Variants in TACC2 observed in about 807,000 individuals in gnomAD.
TACC2 encodes transforming acidic coiled-coil containing protein 2, also known as transforming acidic coiled-coil-containing protein 2.
A neutral mutation model predicts 227.3 loss-of-function variants in TACC2; 137 were observed. That is an observed-to-expected ratio of 0.60 (90% CI 0.52 to 0.69). The LOEUF (loss-of-function observed/expected upper bound fraction) is 0.69, where lower values mean the gene tolerates loss of function less well. Among genes scored for constraint, TACC2 ranks in the 30% least tolerant of loss-of-function variants. TACC2 has a pLI of 0.00. For missense variants in TACC2, 3,470 were observed against 3,694.4 expected (o/e 0.94, Z 1.57); for synonymous variants, 1,523 against 1,487.5 (o/e 1.02, Z -0.55).
At chr10:122,105,589 T>C (rs2082662339) in intron 5 of TACC2, among the ~76,000 whole-genome samples, 1 of 151,948 alleles carries the variant, frequency 6.6e-6, no homozygotes, top group Non-Finnish European at 1.5e-5. Flanking sequence ...CTCCAGCATG[T>C]GCCTGTCTTT....
intron 2 of TACC2, among the ~76,000 whole-genome samples, chr10:122,040,743 A>G (rs1473441961): frequency 6.6e-6 from 1 of 152,206 alleles, no homozygotes; most frequent in Admixed American, 6.5e-5. Context: ...TTTCTGTAAC[A>G]AGTCCCAAAA....
intron 7 of TACC2, among the ~76,000 whole-genome samples, chr10:122,161,588 C>T (rs529668578): frequency 7.2e-5 from 11 of 152,256 alleles, no homozygotes; most frequent in Non-Finnish European, 1.5e-4. Context: ...GATTTGAACT[C>T]GAGTCTCATT....
chr10:122,161,436 G>A (rs900227286), intron 7 of TACC2, among the ~76,000 whole-genome samples: 2 of 152,122 alleles, frequency 1.3e-5, no homozygotes, highest in Non-Finnish European at 2.9e-5. Context: ...CCTGGTCCTG[G>A]GCATTCATAG....
rs753635947 is a variant in TACC2, at chr10:122,083,865, T to C, written c.1365T>C (p.Asp455=). The C allele has an allele frequency of 6.2e-7, 1 of 1,614,164 alleles. No homozygotes were observed. Residue 455 remains aspartate, a synonymous_variant, in exon 4 of 23, where the codon GAT becomes GAC. Transcript: ENST00000369005. The stretch of plus-strand genomic sequence containing the variant: ...AGGCTGGGATGCCAGTTTCTGCAGA[T>C]GCAGCCAAAGAGGTGGTGGATGCAG... ...VSKAGMPVSA[D]AAKEVVDAGL... is the part of the protein sequence containing the mutation.
Position 122,205,790 on chromosome 10 carries a change from A to G in TACC2, c.5972-4607A>G, listed in dbSNP as rs1417247412. Among the ~76,000 whole-genome samples the G allele has an allele frequency of 6.6e-6, 1 of 152,152 alleles. No individual in the cohort carries two copies. The highest frequency in any genetic ancestry group is 1.5e-5 in the Non-Finnish European group (1 of 68,038). On this transcript the variant is annotated intron_variant, in intron 8 of 22. Coordinates refer to ENST00000369005, the MANE Select transcript of TACC2 (RefSeq NM_206862.4). This position sits in a 1 kb window ranked among gnomAD's most constrained non-coding sequence, Gnocchi z 4.5. Reference sequence around the variant, plus strand: ...GTCTTAGGCTAGACAAATTTGGGAAATGTTGAATTCATCACGGACTTGCTC... The same window carrying G: ...GTCTTAGGCTAGACAAATTTGGGAAGTGTTGAATTCATCACGGACTTGCTC...
intron 7 of TACC2, among the ~76,000 whole-genome samples, chr10:122,158,355 C>T (rs1362283823): frequency 6.6e-6 from 1 of 151,844 alleles, no homozygotes; most frequent in Non-Finnish European, 1.5e-5. Flanking sequence ...TGCCACTGCA[C>T]TCCAGCCTGG....
intron 7 of TACC2, among the ~76,000 whole-genome samples, chr10:122,152,999 C>CTTTCTTTTTTTTTTTTTTTTTTT (rs71026005): frequency 7.4e-6 from 1 of 135,024 alleles, no homozygotes; most frequent in Admixed American, 7.8e-5. Context: ...TTCTTTCTTT[C>CTTTCTTTTTTTTTTTTTTTTTTT]TTTTTTTTTT....
rs1208030820 is a variant in TACC2, at chr10:122,150,128, G to GGGGAA, written c.5834+6425_5834+6429dup. Among the ~76,000 whole-genome samples the GGGGAA allele has an allele frequency of 6.6e-6, 1 of 152,228 alleles. No individual in the cohort carries two copies. Among genetic ancestry groups the GGGGAA allele is most frequent in the East Asian group, 1.9e-4 (1 of 5,190 alleles). On this transcript the variant is annotated intron_variant, in intron 7 of 22. Coordinates refer to ENST00000369005, the MANE Select transcript of TACC2 (RefSeq NM_206862.4). The surrounding 1 kb of genome is among the most constrained non-coding windows in gnomAD (Gnocchi z 4.0). ...TTCTTTTCCTCCTTCTGGGAGGGGA[G>GGGGAA]GGGAAGGAGAGCCGGCAGCAGCGGG... is the stretch of plus-strand genomic sequence containing the variant.
intron 22 of TACC2, 95 bp downstream of exon 22, chr10:122,249,759 C>G: frequency 7.1e-7 from 1 of 1,416,506 alleles, no homozygotes; most frequent in South Asian, 1.4e-5. Flanking sequence ...TCCCTGGCCA[C>G]TGCTGCTCCT....
At chr10:122,164,448 G>C (rs1319967147) in intron 7 of TACC2, among the ~76,000 whole-genome samples, 1 of 152,230 alleles carries the variant, frequency 6.6e-6, no homozygotes. Context: ...TGGACGTTCC[G>C]TCTAGTTAGC....
At chr10:122,097,625 A>G (rs1445924784) in intron 5 of TACC2, among the ~76,000 whole-genome samples, 2 of 151,996 alleles carry the variant, frequency 1.3e-5, no homozygotes, top group South Asian at 2.1e-4. Flanking sequence ...GCTGGAGGCT[A>G]GGGTTGGTAG....
chr10:122,097,785 A>C (rs558475779), intron 5 of TACC2, among the ~76,000 whole-genome samples: 14 of 152,218 alleles, frequency 9.2e-5, no homozygotes, highest in African/African-American at 3.4e-4. Flanking sequence ...AGATGAGATG[A>C]GACACGGCAC....
rs1324410387 is a variant in TACC2, at chr10:122,205,450, G to A, written c.5972-4947G>A. On this transcript the variant is annotated intron_variant, in intron 8 of 22. Transcript: ENST00000369005. This position sits in a 1 kb window ranked among gnomAD's most constrained non-coding sequence, Gnocchi z 4.5. ...TACTTCTGCAGCACTGATGCCTCAC[G>A]CCTCTGGGGTAAAAACCCCACAGGA... is the stretch of plus-strand genomic sequence containing the variant. 1.3e-5 allele frequency among the ~76,000 whole-genome samples: 2 copies of A among 152,188 alleles called. No individual in the cohort carries two copies. The highest frequency in any genetic ancestry group is 2.9e-5 in the Non-Finnish European group (2 of 68,038).
Position 122,211,423 on chromosome 10 carries a change from G to T in TACC2, c.6998G>T (p.Gly2333Val). 1 of 1,613,980 alleles carries T rather than the reference G, an allele frequency of 6.2e-7. No homozygotes were observed. Among genetic ancestry groups the T allele is most frequent in the Non-Finnish European group, 8.5e-7 (1 of 1,180,012 alleles). ...CCCAATGACATCCCCATTGCTAAAG[G>T]TACTTACACCTTTGATATTGACAAG... The part of the protein sequence containing the change: ...AEPNDIPIAK[G>V]TYTFDIDKWD... Residue 2333 changes from glycine to valine, a missense_variant, in exon 9 of 23, where the codon GGT becomes GTT. Physicochemically the swap from Gly to Val is moderately radical, Grantham distance 109 (BLOSUM62 -3). This residue lies in a region of TACC2 where 593 missense variants were observed against 636.6 expected (regional missense o/e 0.93). Transcript: ENST00000369005.
intron 3 of TACC2, among the ~76,000 whole-genome samples, chr10:122,075,497 G>A (rs1367895300): frequency 2.0e-5 from 3 of 152,164 alleles, no homozygotes; most frequent in Admixed American, 6.5e-5. Context: ...ATCACCACTC[G>A]GAGAAATCTC....
At chr10:122,222,113 G>A (rs2095535033) in intron 11 of TACC2, among the ~76,000 whole-genome samples, 3 of 152,216 alleles carry the variant, frequency 2.0e-5, no homozygotes, top group African/African-American at 7.2e-5. Context: ...AATATGATGT[G>A]CCACTTGGTG....
intron 22 of TACC2, among the ~76,000 whole-genome samples, chr10:122,253,047 C>G (rs736457): frequency 0.15 from 23,001 of 152,122 alleles, 2,247 homozygotes; most frequent in African/African-American, 0.27. Flanking sequence ...ACCAGGAGTT[C>G]TAACCTAGAA....
intron 19 of TACC2, 46 bp from the exon 20 acceptor site, chr10:122,248,597 T>G (rs994712251): frequency 6.2e-7 from 1 of 1,610,442 alleles, no homozygotes; most frequent in Non-Finnish European, 8.5e-7. Flanking sequence ...AGACCCAGTT[T>G]GGACTTTCTG....
intron 3 of TACC2, among the ~76,000 whole-genome samples, chr10:122,077,720 G>A (rs1162029235): frequency 6.6e-6 from 1 of 152,234 alleles, no homozygotes; most frequent in Non-Finnish European, 1.5e-5. Context: ...TCGGTGAGAG[G>A]CTGGTGCAGG....
Sources: allele counts gnomAD v4.1 joint callset (sites outside exome capture counted in the v4.1 genomes callset), GRCh38; gene constraint gnomAD v4.1.1; regional missense constraint gnomAD v4.1.1; non-coding constraint Gnocchi (gnomAD v3.1); transcripts MANE v1.5; gene names NCBI Gene and HGNC (gene_info 2026-07-23, HGNC 2026-07-21).